The following CDH4 variants were observed in gnomAD, a reference collection of about 807,000 sequenced individuals.
The protein encoded by CDH4 is cadherin-4.
In CDH4, 33 loss-of-function variants were observed where a neutral mutation model predicts 86.0. The observed-to-expected ratio is 0.38, with a 90% confidence interval of 0.29 to 0.51. The LOEUF is 0.51. CDH4 is among the 20% of genes least tolerant of loss of function. CDH4 has a pLI of 0.86. For synonymous variants in CDH4, 555 were observed against 549.4 expected (o/e 1.01, Z -0.14); for missense variants, 1,114 against 1,307.4 (o/e 0.85, Z 2.28).
chr20:61,427,443 A>G (rs2085221150), intron 2 of CDH4, among the ~76,000 whole-genome samples: 1 of 151,936 alleles, frequency 6.6e-6, no homozygotes, highest in Non-Finnish European at 1.5e-5. Context: ...GTCTTCCCTG[A>G]TTCTGGATCT....
intron 9 of CDH4, among the ~76,000 whole-genome samples, chr20:61,915,614 G>A (rs1036461886): frequency 6.6e-5 from 10 of 152,254 alleles, no homozygotes; most frequent in Admixed American, 4.6e-4. Flanking sequence ...GGTCTCCAGT[G>A]CATCACACTA....
intron 2 of CDH4, among the ~76,000 whole-genome samples, chr20:61,321,777 T>G (rs2084509804): frequency 1.3e-5 from 2 of 152,318 alleles, no homozygotes; most frequent in Middle Eastern, 3.4e-3. Flanking sequence ...AACAGATGAC[T>G]TAGTTTCCAT....
At chr20:61,881,709 C>T (rs1984285253) in intron 7 of CDH4, among the ~76,000 whole-genome samples, 1 of 152,170 alleles carries the variant, frequency 6.6e-6, no homozygotes, top group African/African-American at 2.4e-5. Flanking sequence ...GGAGTGAGAA[C>T]CCGTCACAGC....
chr20:61,803,211 A>T (rs561123786), intron 4 of CDH4, among the ~76,000 whole-genome samples: 1 of 149,578 alleles, frequency 6.7e-6, no homozygotes, highest in African/African-American at 2.5e-5. Flanking sequence ...CTTCCTCTGG[A>T]TGCTCTCAGA....
At chr20:61,781,662 A>G (rs145920362) in intron 4 of CDH4, among the ~76,000 whole-genome samples, 216 of 152,330 alleles carry the variant, frequency 1.4e-3, no homozygotes, top group African/African-American at 5.1e-3. Context: ...TGTGATGGCA[A>G]TAACAGAAGG....
chr20:61,374,292 CAG>C (rs1307517746), intron 2 of CDH4, among the ~76,000 whole-genome samples: 1 of 152,168 alleles, frequency 6.6e-6, no homozygotes, highest in Admixed American at 6.5e-5. Flanking sequence ...GCACAGGACT[CAG>C]GGAAGGCTTC....
intron 2 of CDH4, chr20:61,718,985 A>G (rs369563828): frequency 4.2e-6 from 2 of 471,270 alleles, no homozygotes; most frequent in African/African-American, 2.0e-5. Context: ...GCCCTGCACC[A>G]GATGAAAGAG....
chr20:61,444,026 A>G (rs1377495066), intron 2 of CDH4, among the ~76,000 whole-genome samples: 2 of 138,944 alleles, frequency 1.4e-5, no homozygotes, highest in African/African-American at 2.8e-5. Flanking sequence ...GTCTGTATCT[A>G]TGTGTGTGTA....
intron 2 of CDH4, among the ~76,000 whole-genome samples, chr20:61,395,577 T>C (rs959539180): frequency 6.6e-6 from 1 of 152,020 alleles, no homozygotes; most frequent in Non-Finnish European, 1.5e-5. Context: ...CACAGGACTT[T>C]GAGACCAGCC....
At chr20:61,855,485 T>C (rs1416404580) in intron 6 of CDH4, among the ~76,000 whole-genome samples, 2 of 152,164 alleles carry the variant, frequency 1.3e-5, no homozygotes, top group East Asian at 3.9e-4. Context: ...GGTGCAGATG[T>C]GGAGGAGTGG....
rs183054050 is a variant in CDH4 at position 61,418,756 on chromosome 20, C to T, written c.169+163819C>T. The stretch of plus-strand genomic sequence containing the variant: ...GCCTGAGATGGAGGTATGGACAGGG[C>T]TGGTTCCTTCAGGGGCTCCGAGGGA... On this transcript the variant is annotated intron_variant, in intron 2 of 15. Transcript: ENST00000614565. 4.9e-3 allele frequency among the ~76,000 whole-genome samples: 749 copies of T among 152,254 alleles called. 22 individuals carry two copies. The highest frequency in any genetic ancestry group is 0.044 in the Admixed American group (670 of 15,282).
chr20:61,383,442 T>G (rs1568822768), intron 2 of CDH4, among the ~76,000 whole-genome samples: 1 of 90,222 alleles, frequency 1.1e-5, no homozygotes, highest in African/African-American at 5.0e-5. Context: ...CATATATGAA[T>G]ATATATTCAT....
chr20:61,284,490 G>A (rs566082275), intron 2 of CDH4, among the ~76,000 whole-genome samples: 1 of 152,296 alleles, frequency 6.6e-6, no homozygotes, highest in East Asian at 1.9e-4. Flanking sequence ...CCACATCACA[G>A]AGGTCACATC....
At chr20:61,914,594 A>G (rs1276866364) in intron 9 of CDH4, among the ~76,000 whole-genome samples, 1 of 64,978 alleles carries the variant, frequency 1.5e-5, no homozygotes, top group Non-Finnish European at 6.6e-5. Flanking sequence ...TGCAGGCCCC[A>G]TCCCTCAGGC....
chr20:61,891,541 C>CTT (rs1300336583), intron 7 of CDH4, among the ~76,000 whole-genome samples: 1 of 152,248 alleles, frequency 6.6e-6, no homozygotes, highest in East Asian at 1.9e-4. Context: ...GTTTCCTGCC[C>CTT]TTCCGAGAGG....
intron 2 of CDH4, among the ~76,000 whole-genome samples, chr20:61,481,229 GGGAGATGCTTTTGGAATTGAGGGAC>G (rs1237649684): frequency 6.6e-6 from 1 of 152,208 alleles, no homozygotes; most frequent in Non-Finnish European, 1.5e-5. Flanking sequence ...GCGTGGGGGA[GGGAGATGCTTTTGGAATTGAGGGAC>G]GGAGGCCAGG....
intron 2 of CDH4, among the ~76,000 whole-genome samples, chr20:61,665,405 A>G (rs2087312001): frequency 6.6e-6 from 1 of 152,236 alleles, no homozygotes; most frequent in African/African-American, 2.4e-5. Flanking sequence ...CTAAAAACAA[A>G]AGCAGCCTGG....
At chr20:61,682,366 A>ATGGATGG (rs2087525624) in intron 2 of CDH4, among the ~76,000 whole-genome samples, 1 of 142,156 alleles carries the variant, frequency 7.0e-6, no homozygotes, top group Non-Finnish European at 1.5e-5. Flanking sequence ...GGATGGATGG[A>ATGGATGG]TGGATGGTGG....
chr20:61,720,402 T>C lies in CDH4; in HGVS notation c.170-23161T>C, dbSNP rs372293255. ...GGTGCAGAGTGTAGGGGTGCAGGGGTGCGAAGTGTAAGTGTGTAGGGGTGC... is the reference window on the plus strand; with the variant it reads ...GGTGCAGAGTGTAGGGGTGCAGGGGCGCGAAGTGTAAGTGTGTAGGGGTGC... On this transcript the variant is annotated intron_variant, in intron 2 of 15. Coordinates refer to ENST00000614565, the MANE Select transcript of CDH4 (RefSeq NM_001794.5). 1.3e-4 allele frequency among the ~76,000 whole-genome samples: 17 copies of C among 135,000 alleles called. No homozygotes were observed. In the South Asian group the frequency reaches 4.2e-3, roughly 33 times the overall value. 88.6% of individuals were successfully genotyped at this position (135,000 alleles called of 152,430 possible).
Sources: gnomAD v4.1 joint callset for allele counts (sites outside exome capture counted in the v4.1 genomes callset) on GRCh38, gnomAD v4.1.1 for gene constraint, MANE v1.5 for transcripts, NCBI Gene and HGNC (gene_info 2026-07-23, HGNC 2026-07-21) for gene names.